Variants in DACH2 observed in about 807,000 individuals in gnomAD.
The protein encoded by DACH2 is dachshund homolog 2.
A neutral mutation model predicts 35.8 loss-of-function variants in DACH2; 17 were observed. The ratio of observed to expected loss-of-function variants is 0.48; its 90% confidence interval spans 0.33 to 0.71. The LOEUF is 0.71. DACH2 is among the 30% of genes least tolerant of loss of function. The pLI is 0.02. For synonymous variants in DACH2, 195 were observed against 177.3 expected, an observed-to-expected ratio of 1.10 and a Z score of -0.79; for missense variants, 469 against 472.7, an observed-to-expected ratio of 0.99 and a Z score of 0.07.
At chrX:86,430,787 A>G (rs1444119882) in intron 2 of DACH2, among the ~76,000 whole-genome samples, 1 of 112,334 alleles carries the variant, frequency 8.9e-6, no homozygotes, top group East Asian at 2.8e-4. Flanking sequence ...TTGCTACACA[A>G]AAGATGCAGT....
chrX:86,639,668 C>T (rs2040321871), intron 3 of DACH2, among the ~76,000 whole-genome samples: 1 of 111,469 alleles, frequency 9.0e-6, no homozygotes, highest in African/African-American at 3.3e-5. Context: ...GAATTCCAGC[C>T]AGCTACCAGG....
chrX:86,162,039 A>T (rs1375330985), intron 1 of DACH2, among the ~76,000 whole-genome samples: 1 of 111,967 alleles, frequency 8.9e-6, no homozygotes, highest in Non-Finnish European at 1.9e-5. Context: ...ATTGAATTGA[A>T]TGACAGATAT....
intron 3 of DACH2, among the ~76,000 whole-genome samples, chrX:86,535,668 G>A (rs749825765): frequency 1.8e-5 from 2 of 110,445 alleles, no homozygotes; most frequent in East Asian, 5.7e-4. Flanking sequence ...TATTGGTGTG[G>A]TGGCAGCCTG....
chrX:86,256,933 C>T (rs1280954595), intron 1 of DACH2, among the ~76,000 whole-genome samples: 1 of 111,173 alleles, frequency 9.0e-6, no homozygotes, highest in Non-Finnish European at 1.9e-5. Context: ...ATATTAATCC[C>T]CTATATTCAC....
At chrX:86,283,427 A>G (rs2034074392) in intron 1 of DACH2, among the ~76,000 whole-genome samples, 1 of 111,389 alleles carries the variant, frequency 9.0e-6, no homozygotes, top group African/African-American at 3.3e-5. Flanking sequence ...ACAAATGCAC[A>G]TGTATGTTTA....
intron 1 of DACH2, among the ~76,000 whole-genome samples, chrX:86,347,586 A>G (rs976984929): frequency 3.5e-5 from 4 of 112,703 alleles, no homozygotes; most frequent in Non-Finnish European, 5.6e-5. Context: ...AGTAGAGCTC[A>G]TTTTCTCATT....
intron 3 of DACH2, among the ~76,000 whole-genome samples, chrX:86,637,361 A>C (rs149783890): frequency 9.1e-6 from 1 of 109,308 alleles, no homozygotes; most frequent in African/African-American, 3.3e-5. Flanking sequence ...ACCCAAAAAA[A>C]ATATACTATT....
At chrX:86,310,153 A>G (rs2034768400) in intron 1 of DACH2, among the ~76,000 whole-genome samples, 1 of 112,119 alleles carries the variant, frequency 8.9e-6, no homozygotes, top group Non-Finnish European at 1.9e-5. Flanking sequence ...ATGTTTGACT[A>G]TGGGTCATCA....
intron 7 of DACH2, among the ~76,000 whole-genome samples, chrX:86,765,698 G>GTTTTTTTTTTTTTTTTTTTTTTTT (rs60709865): frequency 1.2e-3 from 30 of 24,632 alleles, no homozygotes; most frequent in East Asian, 3.3e-3. Context: ...TTGTTTTTTG[G>GTTTTTTTTTTTTTTTTTTTTTTTT]TTTTTTTTTT....
At chrX:86,673,048 A>G (rs2040784060) in intron 4 of DACH2, among the ~76,000 whole-genome samples, 1 of 111,697 alleles carries the variant, frequency 9.0e-6, no homozygotes, top group East Asian at 2.8e-4. Flanking sequence ...AAAGAAGAAT[A>G]TTTTAGGCCA....
chrX:86,210,865 CA>C (rs1007041072), intron 1 of DACH2, among the ~76,000 whole-genome samples: 1 of 111,565 alleles, frequency 9.0e-6, no homozygotes, highest in Non-Finnish European at 1.9e-5. Context: ...TCAGACGTGT[CA>C]GGGGGAAATA....
chrX:86,358,830 C>A (rs1372631908), intron 1 of DACH2, among the ~76,000 whole-genome samples: 2 of 111,762 alleles, frequency 1.8e-5, no homozygotes, highest in East Asian at 5.7e-4. Flanking sequence ...CATACAAGGC[C>A]AGTTTTCACT....
At chrX:86,287,145 GC>G (rs1473348979) in intron 1 of DACH2, among the ~76,000 whole-genome samples, 1 of 102,127 alleles carries the variant, frequency 9.8e-6, no homozygotes, top group Non-Finnish European at 2.0e-5. Flanking sequence ...GGATATTTTT[GC>G]CAGATATGCT....
chrX:86,392,778 GTCCT>G (rs1226402148), intron 2 of DACH2, among the ~76,000 whole-genome samples: 2 of 111,759 alleles, frequency 1.8e-5, no homozygotes, highest in Non-Finnish European at 3.8e-5. Context: ...TTGAGAATTA[GTCCT>G]TCCTTAACAG....
intron 4 of DACH2, among the ~76,000 whole-genome samples, chrX:86,657,449 ATTGTT>A (rs908281017): frequency 1.8e-5 from 2 of 111,694 alleles, no homozygotes; most frequent in African/African-American, 6.5e-5. Flanking sequence ...AGAATTTTAT[ATTGTT>A]TTAAGTGTAA....
intron 5 of DACH2, among the ~76,000 whole-genome samples, chrX:86,696,937 G>T (rs777796712): frequency 1.8e-5 from 2 of 111,846 alleles, no homozygotes; most frequent in South Asian, 7.5e-4. Flanking sequence ...TGTCCTCAAA[G>T]AAAACTGTTT....
At chrX:86,441,461 T>A (rs2037160484) in intron 2 of DACH2, among the ~76,000 whole-genome samples, 1 of 102,981 alleles carries the variant, frequency 9.7e-6, no homozygotes, top group Non-Finnish European at 2.0e-5. Context: ...TTCTTTTTTA[T>A]GACTGAAAAG....
At chrX:86,328,708 G>C (rs769115617) in intron 1 of DACH2, among the ~76,000 whole-genome samples, 2 of 111,749 alleles carry the variant, frequency 1.8e-5, no homozygotes, top group African/African-American at 3.2e-5. Context: ...AGAGGATTCT[G>C]CCTATACCTA....
intron 1 of DACH2, among the ~76,000 whole-genome samples, chrX:86,237,214 C>T (rs961831176): frequency 8.1e-5 from 9 of 111,608 alleles, no homozygotes; most frequent in Non-Finnish European, 1.3e-4. Context: ...ATAACAATAC[C>T]TTCTTCTGTA....
Sources: allele counts gnomAD v4.1 joint callset (sites outside exome capture counted in the v4.1 genomes callset), GRCh38; gene constraint gnomAD v4.1.1; transcripts MANE v1.5; gene names NCBI Gene and HGNC (gene_info 2026-07-23, HGNC 2026-07-21).